TNIK: variants seen among roughly 807,000 people sequenced by gnomAD.
The protein encoded by TNIK is TRAF2 and NCK interacting kinase, also known as TRAF2 and NCK-interacting protein kinase.
A neutral mutation model predicts 191.3 loss-of-function variants in TNIK; 49 were observed. The observed-to-expected ratio is 0.26, with a 90% CI of 0.20 to 0.32. The LOEUF is 0.32. TNIK is among the 10% of genes least tolerant of loss of function. TNIK has a pLI of 1.00. For synonymous variants in TNIK, 594 were observed against 600.9 expected (o/e 0.99, Z 0.17); for missense variants, 1,155 against 1,702.3 (o/e 0.68, Z 5.66).
intron 1 of TNIK, among the ~76,000 whole-genome samples, chr3:171,413,319 C>T (rs1052077547): frequency 6.6e-6 from 1 of 152,118 alleles, no homozygotes; most frequent in Non-Finnish European, 1.5e-5. Flanking sequence ...AAAATCCAGT[C>T]TCTTTGGCCT....
In TNIK at chr3:171,439,528, C is replaced by T. The variant is rs756806023; in HGVS notation, c.57+20479G>A. 6.6e-5 allele frequency: 10 copies of T among 152,186 alleles called. No homozygotes were observed. In the East Asian group the frequency reaches 1.7e-3, roughly 26 times the overall value. 9.4% of individuals were successfully genotyped at this position (152,186 alleles called of 1,614,324 possible). A position where few individuals can be genotyped will look rare whatever the true frequency, so the allele number is the denominator to read the frequency against. On this transcript the variant is annotated intron_variant, in intron 1 of 32. Transcript: ENST00000436636. ...TTTTATTAAAATAATTAACCCAGTGCTTGACACGTGGCCAGTGGTCACAAA... is the reference window on the plus strand; with the variant it reads ...TTTTATTAAAATAATTAACCCAGTGTTTGACACGTGGCCAGTGGTCACAAA...
At chr3:171,180,903 C>A (rs1356580510) in intron 7 of TNIK, among the ~76,000 whole-genome samples, 1 of 152,182 alleles carries the variant, frequency 6.6e-6, no homozygotes, top group African/African-American at 2.4e-5. Flanking sequence ...AAGGTGCTGG[C>A]AACTCAATAA....
intron 2 of TNIK, among the ~76,000 whole-genome samples, chr3:171,228,520 T>C (rs556397506): frequency 1.3e-5 from 2 of 152,356 alleles, no homozygotes; most frequent in Admixed American, 1.3e-4. Context: ...GGAGGATTTA[T>C]GTCGAAGGGG....
At position 171,298,791 on chromosome 3, in the gene TNIK, T is replaced by A. The variant is rs1476247179; in HGVS notation, c.124-70570A>T. On this transcript the variant is annotated intron_variant, in intron 2 of 32. Coordinates refer to ENST00000436636, the MANE Select transcript of TNIK (RefSeq NM_015028.4). Reference sequence around the variant, plus strand: ...GGATTATCTGTTCCTGCAGCACATCTATCCTATCCTGAAAAAAATAATGTG... The same window carrying A: ...GGATTATCTGTTCCTGCAGCACATCAATCCTATCCTGAAAAAAATAATGTG... Among the ~76,000 whole-genome samples, 12 of 152,230 alleles carry A rather than the reference T, an allele frequency of 7.9e-5. 1 individual carries two copies. The highest frequency in any genetic ancestry group is 7.2e-4 in the Admixed American group (11 of 15,282).
intron 2 of TNIK, among the ~76,000 whole-genome samples, chr3:171,296,970 A>AT (rs903247593): frequency 9.9e-5 from 15 of 151,798 alleles, no homozygotes; most frequent in East Asian, 1.9e-4. Context: ...GAAGAACTTA[A>AT]TTTTTTTTCC....
chr3:171,326,363 C>CACA (rs1260320048), intron 2 of TNIK, among the ~76,000 whole-genome samples: 5 of 152,050 alleles, frequency 3.3e-5, no homozygotes, highest in Non-Finnish European at 7.4e-5. Context: ...TAGACAGACA[C>CACA]ACAAAAGCAG....
chr3:171,325,617 ATTGT>A (rs1755667374), intron 2 of TNIK, among the ~76,000 whole-genome samples: 2 of 152,146 alleles, frequency 1.3e-5, no homozygotes, highest in South Asian at 4.1e-4. Context: ...CTTAAATGTT[ATTGT>A]TTATCTGAAA....
chr3:171,325,976 C>T (rs1755705364), intron 2 of TNIK, among the ~76,000 whole-genome samples: 1 of 152,204 alleles, frequency 6.6e-6, no homozygotes, highest in African/African-American at 2.4e-5. Context: ...ATCCAGAATT[C>T]ATAACAACTG....
intron 3 of TNIK, among the ~76,000 whole-genome samples, chr3:171,214,422 G>A (rs995784497): frequency 1.3e-5 from 2 of 152,162 alleles, no homozygotes; most frequent in Non-Finnish European, 2.9e-5. Flanking sequence ...GCACCTATCA[G>A]AATTGCCACC....
intron 1 of TNIK, among the ~76,000 whole-genome samples, chr3:171,414,050 C>G (rs1335479096): frequency 6.6e-6 from 1 of 152,238 alleles, no homozygotes; most frequent in African/African-American, 2.4e-5. Context: ...ACCTATCCAT[C>G]TATCCATCCA....
At chr3:171,255,764 A>T (rs1746774115) in intron 2 of TNIK, among the ~76,000 whole-genome samples, 1 of 152,028 alleles carries the variant, frequency 6.6e-6, no homozygotes, top group South Asian at 2.1e-4. Context: ...GCCTTTAGAG[A>T]CCCCAGGTGT....
At chr3:171,363,555 C>T (rs970009354) in intron 2 of TNIK, among the ~76,000 whole-genome samples, 2 of 152,188 alleles carry the variant, frequency 1.3e-5, no homozygotes, top group Non-Finnish European at 2.9e-5. Context: ...TTCTCCCATA[C>T]TCACTCCTTG....
At chr3:171,086,559 T>C (rs1208458681) in intron 24 of TNIK, among the ~76,000 whole-genome samples, 1 of 152,220 alleles carries the variant, frequency 6.6e-6, no homozygotes, top group Non-Finnish European at 1.5e-5. Context: ...TTCCTTGGGG[T>C]ATGCAAAGCT....
chr3:171,071,476 T>C (rs1398025994), intron 28 of TNIK, 153 bp from the exon 29 acceptor site: 4 of 648,172 alleles, frequency 6.2e-6, no homozygotes, highest in Admixed American at 6.3e-5. Flanking sequence ...TGGGATTTTT[T>C]CATAGATACT....
In TNIK at chr3:171,129,378, T is replaced by TA. The variant is rs534410527; in HGVS notation, c.1609-501dup. Reference sequence around the variant, plus strand: ...TGCATTTCTTCACGTGTCCTACTGATAGACAAGTGGGTGTTCCAGGCTGCC... The same window carrying TA: ...TGCATTTCTTCACGTGTCCTACTGATAAGACAAGTGGGTGTTCCAGGCTGCC... On this transcript the variant is annotated intron_variant, in intron 15 of 32. Coordinates refer to ENST00000436636, the MANE Select transcript of TNIK (RefSeq NM_015028.4). Among the ~76,000 whole-genome samples, 26 of 152,312 alleles carry TA rather than the reference T, an allele frequency of 1.7e-4. No homozygotes were observed. In the South Asian group the frequency reaches 5.4e-3, roughly 32 times the overall value.
chr3:171,195,627 A>G (rs1175565348), intron 4 of TNIK, among the ~76,000 whole-genome samples: 1 of 152,174 alleles, frequency 6.6e-6, no homozygotes. Context: ...TCAGGCAGAA[A>G]TTATATTTTC....
chr3:171,294,757 G>A (rs944549926), intron 2 of TNIK, among the ~76,000 whole-genome samples: 2 of 151,958 alleles, frequency 1.3e-5, no homozygotes, highest in Non-Finnish European at 2.9e-5. Flanking sequence ...GACAGTATAA[G>A]TCATATACAG....
At chr3:171,158,879 C>T (rs1733585193) in intron 11 of TNIK, among the ~76,000 whole-genome samples, 1 of 152,096 alleles carries the variant, frequency 6.6e-6, no homozygotes, top group Non-Finnish European at 1.5e-5. Context: ...GAAGAACGTT[C>T]CAGGCAGAGG....
Position 171,255,677 on chromosome 3 carries a change from G to A in TNIK, c.124-27456C>T, listed in dbSNP as rs75249765. Among the ~76,000 whole-genome samples, 17 of 152,308 alleles carry A rather than the reference G, an allele frequency of 1.1e-4. No individual in the cohort carries two copies. The East Asian group carries it at 2.3e-3, about 21-fold the overall frequency. On this transcript the variant is annotated intron_variant, in intron 2 of 32. Transcript: ENST00000436636. ...GGTGCCTGAACACGGGCAAAGGAAT[G>A]TTTTGTGCCACAGGCCCAAAAGAAC...
Sources: gnomAD v4.1 joint callset for allele counts (sites outside exome capture counted in the v4.1 genomes callset) on GRCh38, gnomAD v4.1.1 for gene constraint, MANE v1.5 for transcripts, NCBI Gene and HGNC (gene_info 2026-07-23, HGNC 2026-07-21) for gene names.